Variants in BMPR1A observed in about 807,000 individuals in gnomAD.
BMPR1A encodes bone morphogenetic protein receptor type 1A.
A neutral mutation model predicts 66.0 loss-of-function variants in BMPR1A; 7 were observed. The observed-to-expected ratio is 0.11, with a 90% confidence interval of 0.06 to 0.20. The LOEUF is 0.20. BMPR1A is among the 10% of genes least tolerant of loss of function. The pLI, the probability that BMPR1A is intolerant of heterozygous loss-of-function variation, is 1.00. For missense variants in BMPR1A, 408 were observed against 669.1 expected (o/e 0.61, Z 4.31); for synonymous variants, 200 against 229.7 (o/e 0.87, Z 1.17).
intron 9 of BMPR1A, among the ~76,000 whole-genome samples, chr10:86,918,629 T>TC (rs1434024312): frequency 6.8e-6 from 1 of 147,498 alleles, no homozygotes; most frequent in East Asian, 1.9e-4. Context: ...TTTCTTTTCT[T>TC]TTTTTTTTTT....
At chr10:86,756,299 G>GGGAT (rs1467574459), upstream of BMPR1A, 3 of 152,186 alleles carry the variant, frequency 2.0e-5, no homozygotes, top group Non-Finnish European at 2.9e-5. Context: ...GGCAGCTGTG[G>GGGAT]GGCTGGCTTG....
chr10:86,807,445 A>G (rs536138982), intron 1 of BMPR1A, among the ~76,000 whole-genome samples: 1 of 150,528 alleles, frequency 6.6e-6, no homozygotes, highest in African/African-American at 2.4e-5. Context: ...CAGTGACATG[A>G]TCATAGCTCA....
intron 2 of BMPR1A, among the ~76,000 whole-genome samples, chr10:86,869,357 T>C (rs1163692856): frequency 1.3e-5 from 2 of 150,060 alleles, no homozygotes; most frequent in Admixed American, 1.3e-4. Context: ...ACTCCGAGGC[T>C]GAAGCAGGAG....
intron 1 of BMPR1A, among the ~76,000 whole-genome samples, chr10:86,831,325 G>A (rs528672276): frequency 1.6e-4 from 24 of 152,154 alleles, no homozygotes; most frequent in African/African-American, 5.3e-4. Context: ...CGATATTTGG[G>A]ATGTCTTTTT....
chr10:86,799,476 TCC>T (rs1841776517), intron 1 of BMPR1A, among the ~76,000 whole-genome samples: 1 of 118,978 alleles, frequency 8.4e-6, no homozygotes, highest in African/African-American at 3.5e-5. Flanking sequence ...CTTTCTTCCT[TCC>T]TTCCTTCCTT....
intron 2 of BMPR1A, among the ~76,000 whole-genome samples, chr10:86,852,131 A>G (rs1458515332): frequency 2.0e-5 from 3 of 152,120 alleles, no homozygotes; most frequent in Non-Finnish European, 4.4e-5. Flanking sequence ...AAAAAAAAAA[A>G]AAAGTTCTTT....
rs1048293127 is a variant in BMPR1A, at chr10:86,866,399, C to CTTTTTT, written c.-152-9446_-152-9441dup. 1.4e-4 allele frequency among the ~76,000 whole-genome samples: 10 copies of CTTTTTT among 69,468 alleles called. 1 individual carries two copies. Among genetic ancestry groups the CTTTTTT allele is most frequent in the African/African-American group, 3.7e-4 (7 of 18,814 alleles). 45.6% of individuals were successfully genotyped at this position (69,468 alleles called of 152,430 possible). ...TGTGTTAAGTTGGGCAAGTTTCTTT[C>CTTTTTT]TTTTTTTTTTTTTTTTTTTTTTTTT... On this transcript the variant is annotated intron_variant, in intron 2 of 12. Coordinates refer to ENST00000372037, the MANE Select transcript of BMPR1A (RefSeq NM_004329.3).
intron 7 of BMPR1A, among the ~76,000 whole-genome samples, chr10:86,908,524 T>C (rs1843429939): frequency 6.6e-6 from 1 of 152,192 alleles, no homozygotes; most frequent in Non-Finnish European, 1.5e-5. Context: ...ATTCCTTCAG[T>C]GATGGGCTGC....
chr10:86,885,591 T>G (rs1028095475), intron 3 of BMPR1A, among the ~76,000 whole-genome samples: 6 of 152,220 alleles, frequency 3.9e-5, no homozygotes, highest in African/African-American at 1.4e-4. Flanking sequence ...AGCACAGTTG[T>G]AGACATGCCA....
intron 2 of BMPR1A, chr10:86,856,295 C>A: frequency 2.0e-6 from 1 of 498,424 alleles, no homozygotes. Context: ...TGTGGCATTT[C>A]GAGAATGGTG....
chr10:86,797,543 T>G (rs1474647025), intron 1 of BMPR1A, among the ~76,000 whole-genome samples: 1 of 152,034 alleles, frequency 6.6e-6, no homozygotes, highest in Non-Finnish European at 1.5e-5. Flanking sequence ...TTTTTGTATT[T>G]TTAGTAGAGA....
intron 1 of BMPR1A, among the ~76,000 whole-genome samples, chr10:86,784,523 T>G (rs1392151816): frequency 6.6e-6 from 1 of 152,222 alleles, no homozygotes; most frequent in East Asian, 1.9e-4. Flanking sequence ...AATATGTGCA[T>G]CAAAGTTTAG....
Position 86,917,242 on chromosome 10 carries a change from G to A in BMPR1A, c.784G>A (p.Val262Ile), listed in dbSNP as rs748790017. The A allele has an allele frequency of 1.2e-6, 2 of 1,613,716 alleles. No individual in the cohort carries two copies. Among genetic ancestry groups the A allele is most frequent in the Non-Finnish European group, 1.7e-6 (2 of 1,179,846 alleles). The change falls in exon 9 of 13, where the codon GTA becomes ATA. Residue 262 changes from valine to isoleucine, a missense_variant. Transcript: ENST00000372037. ...KWRGEKVAVK[V>I]FFTTEEASWF... ...GCGTGGCGAAAAAGTGGCGGTGAAA[G>A]TATTCTTTACCACTGAAGAAGCCAG...
At chr10:86,798,583 A>T (rs1400954268) in intron 1 of BMPR1A, among the ~76,000 whole-genome samples, 1 of 152,216 alleles carries the variant, frequency 6.6e-6, no homozygotes, top group African/African-American at 2.4e-5. Flanking sequence ...AGGACATATA[A>T]AATATGAGTA....
intron 1 of BMPR1A, among the ~76,000 whole-genome samples, chr10:86,837,261 G>GTC (rs1554883405): frequency 1.3e-5 from 2 of 151,244 alleles, no homozygotes; most frequent in Non-Finnish European, 3.0e-5. Context: ...GTGTGTGTGT[G>GTC]TGTGTGTGTG....
At chr10:86,929,289 C>T (rs141092305), downstream of BMPR1A, 2 of 152,232 alleles carry the variant, frequency 1.3e-5, no homozygotes, top group African/African-American at 4.8e-5. Context: ...CATTTTCATT[C>T]CTGCTAGCAG....
chr10:86,763,220 T>G lies in BMPR1A; in HGVS notation c.-268+6301T>G, dbSNP rs1008044878. On this transcript the variant is annotated intron_variant, in intron 1 of 12. Transcript: ENST00000372037. ...GAAGTATTCGGTAAAGTGAGCAGTTTTTGCAGCTTTTTAAAAATTTTAAAG... is the reference window on the plus strand; with the variant it reads ...GAAGTATTCGGTAAAGTGAGCAGTTGTTGCAGCTTTTTAAAAATTTTAAAG... 2.0e-5 allele frequency among the ~76,000 whole-genome samples: 3 copies of G among 152,304 alleles called. No individual in the cohort carries two copies. The South Asian group carries it at 6.2e-4, about 32-fold the overall frequency.
intron 1 of BMPR1A, among the ~76,000 whole-genome samples, chr10:86,816,310 A>G (rs1050765138): frequency 1.3e-5 from 2 of 152,228 alleles, no homozygotes; most frequent in Admixed American, 1.3e-4. Flanking sequence ...AATAAGATGT[A>G]TTGAAATTAT....
At chr10:86,846,492 G>A (rs61858632) in intron 2 of BMPR1A, among the ~76,000 whole-genome samples, 8 of 152,260 alleles carry the variant, frequency 5.3e-5, no homozygotes, top group Admixed American at 2.0e-4. Flanking sequence ...GGCCGTCAGC[G>A]TGCCTCTTCT....
Sources: gnomAD v4.1 joint callset for allele counts (sites outside exome capture counted in the v4.1 genomes callset) on GRCh38, gnomAD v4.1.1 for gene constraint, MANE v1.5 for transcripts, NCBI Gene and HGNC (gene_info 2026-07-23, HGNC 2026-07-21) for gene names.